The following NTM variants were observed in gnomAD, a reference collection of about 807,000 sequenced individuals.
NTM encodes the protein neurotrimin, also known as IgLON family member 2.
Under a neutral mutation model 42.1 loss-of-function variants are expected in NTM, and 13 were observed. The ratio of observed to expected loss-of-function variants is 0.31; its 90% CI spans 0.20 to 0.49. NTM has a LOEUF of 0.49. Ranked by LOEUF, NTM falls within the 20% of genes least tolerant of loss-of-function variation. NTM has a pLI of 0.99. For missense variants in NTM, 373 were observed against 452.8 expected, an observed-to-expected ratio of 0.82 and a Z score of 1.60; for synonymous variants, 187 against 179.2, an observed-to-expected ratio of 1.04 and a Z score of -0.35.
chr11:132,290,243 C>T (rs1439028632), intron 4 of NTM, among the ~76,000 whole-genome samples: 1 of 151,830 alleles, frequency 6.6e-6, no homozygotes, highest in East Asian at 1.9e-4. Flanking sequence ...GTAAGACTGA[C>T]TAAAAGATAG....
intron 4 of NTM, among the ~76,000 whole-genome samples, chr11:132,266,810 G>A (rs2093209762): frequency 6.6e-6 from 1 of 152,194 alleles, no homozygotes; most frequent in African/African-American, 2.4e-5. Flanking sequence ...GATGGAATTT[G>A]CCTAATTGTT....
chr11:132,103,592 A>T (rs191921370), intron 2 of NTM, among the ~76,000 whole-genome samples: 1 of 152,308 alleles, frequency 6.6e-6, no homozygotes, highest in African/African-American at 2.4e-5. Flanking sequence ...GGCAGGTGAC[A>T]ACAAGGAGGG....
intron 1 of NTM, among the ~76,000 whole-genome samples, chr11:131,423,586 G>A (rs1024368689): frequency 1.2e-4 from 19 of 152,152 alleles, no homozygotes; most frequent in Non-Finnish European, 2.8e-4. Context: ...GTAAGTGGTG[G>A]CATGATAGGT....
At chr11:131,920,976 A>G (rs754811656) in intron 2 of NTM, among the ~76,000 whole-genome samples, 13 of 152,226 alleles carry the variant, frequency 8.5e-5, no homozygotes, top group Non-Finnish European at 1.5e-4. Flanking sequence ...ATCTTTGGAC[A>G]AATTTACCTG....
intron 1 of NTM, among the ~76,000 whole-genome samples, chr11:131,506,585 G>T (rs1326744370): frequency 6.6e-6 from 1 of 152,192 alleles, no homozygotes; most frequent in Non-Finnish European, 1.5e-5. Flanking sequence ...GCCCTCTGAG[G>T]GGTGTCCAGG....
chr11:131,613,092 C>T (rs1036684969), intron 1 of NTM, among the ~76,000 whole-genome samples: 1 of 152,258 alleles, frequency 6.6e-6, no homozygotes, highest in Non-Finnish European at 1.5e-5. Flanking sequence ...TCAAGCTTCT[C>T]TTCCTCCATT....
chr11:131,896,113 T>A (rs564400233), intron 1 of NTM, among the ~76,000 whole-genome samples: 1 of 152,310 alleles, frequency 6.6e-6, no homozygotes, highest in African/African-American at 2.4e-5. Flanking sequence ...CATCATCTGA[T>A]CCCTGCCTGA....
chr11:131,782,670 A>G (rs966328406), intron 1 of NTM, among the ~76,000 whole-genome samples: 2 of 152,180 alleles, frequency 1.3e-5, no homozygotes, highest in African/African-American at 4.8e-5. Context: ...ATTTTATCCT[A>G]GGAATTCAAG....
chr11:131,935,069 A>G (rs2059065571), intron 2 of NTM, among the ~76,000 whole-genome samples: 2 of 152,196 alleles, frequency 1.3e-5, no homozygotes, highest in South Asian at 4.1e-4. Context: ...TGGAGGCAGT[A>G]ACAATTGAGA....
At chr11:131,943,132 A>C (rs2059986810) in intron 2 of NTM, among the ~76,000 whole-genome samples, 1 of 151,764 alleles carries the variant, frequency 6.6e-6, no homozygotes, top group Admixed American at 6.6e-5. Context: ...GCCTCTTCTC[A>C]CCTCCCCTTT....
chr11:132,243,434 G>A (rs1324814832), intron 4 of NTM, among the ~76,000 whole-genome samples: 1 of 152,202 alleles, frequency 6.6e-6, no homozygotes, highest in Middle Eastern at 3.2e-3. Flanking sequence ...TGCCAGTGGA[G>A]CCGTTCCTAC....
At chr11:131,453,808 G>A (rs1177909152) in intron 1 of NTM, among the ~76,000 whole-genome samples, 2 of 138,624 alleles carry the variant, frequency 1.4e-5, no homozygotes, top group East Asian at 3.7e-4. Context: ...AGGACGGTGT[G>A]ATAACTCCAA....
intron 1 of NTM, among the ~76,000 whole-genome samples, chr11:131,607,750 C>T (rs957946660): frequency 2.0e-5 from 3 of 152,102 alleles, no homozygotes; most frequent in Non-Finnish European, 4.4e-5. Context: ...GATTGTTGTA[C>T]GTATTTACCA....
chr11:131,569,476 C>A (rs1002971328), intron 1 of NTM, among the ~76,000 whole-genome samples: 3 of 152,078 alleles, frequency 2.0e-5, no homozygotes, highest in Non-Finnish European at 4.4e-5. Context: ...TATAAATTTA[C>A]CTGTCCTGGA....
At chr11:132,235,644 C>T (rs1201385209) in intron 4 of NTM, among the ~76,000 whole-genome samples, 1 of 152,124 alleles carries the variant, frequency 6.6e-6, no homozygotes, top group Non-Finnish European at 1.5e-5. Flanking sequence ...GCAGGCTGAG[C>T]CACATGGGGC....
chr11:131,694,055 C>A lies in NTM; in HGVS notation c.83-217509C>A, dbSNP rs369620593. On this transcript the variant is annotated intron_variant, in intron 1 of 8. Coordinates refer to ENST00000683400, the MANE Select transcript of NTM (RefSeq NM_001352005.2). ...TGGTCACCCACCTCTCCCCGACTTT[C>A]GTTTTCTCCTCTGTCACATGGATCT... Among the ~76,000 whole-genome samples, 500 of 152,306 alleles carry A rather than the reference C, an allele frequency of 3.3e-3. 1 individual carries two copies. Among genetic ancestry groups the A allele is most frequent in the Non-Finnish European group, 4.1e-3 (280 of 68,024 alleles).
intron 2 of NTM, among the ~76,000 whole-genome samples, chr11:131,951,546 G>A (rs1446267957): frequency 6.6e-6 from 1 of 152,124 alleles, no homozygotes; most frequent in East Asian, 1.9e-4. Flanking sequence ...TCTGGAGATA[G>A]GGGGAAAATC....
intron 2 of NTM, among the ~76,000 whole-genome samples, chr11:132,108,512 T>C (rs1336882483): frequency 6.6e-6 from 1 of 151,990 alleles, no homozygotes; most frequent in Admixed American, 6.6e-5. Flanking sequence ...AATGATACAA[T>C]GGACTCTGGG....
intron 2 of NTM, among the ~76,000 whole-genome samples, chr11:132,074,967 T>C (rs939028561): frequency 6.6e-6 from 1 of 152,216 alleles, no homozygotes; most frequent in African/African-American, 2.4e-5. Flanking sequence ...CCTATAAACA[T>C]GTACAATTAT....
Sources: allele counts gnomAD v4.1 joint callset (sites outside exome capture counted in the v4.1 genomes callset), GRCh38; gene constraint gnomAD v4.1.1; transcripts MANE v1.5; gene names NCBI Gene and HGNC (gene_info 2026-07-23, HGNC 2026-07-21).